Variants in NR3C2 observed in about 807,000 individuals in gnomAD.
NR3C2 encodes mineralocorticoid receptor.
A neutral mutation model predicts 86.4 loss-of-function variants in NR3C2; 15 were observed. The observed-to-expected ratio is 0.17, with a 90% CI of 0.12 to 0.27. The LOEUF is 0.27. NR3C2 is among the 10% of genes least tolerant of loss of function. The pLI is 1.00. For synonymous variants in NR3C2, 458 were observed against 450.5 expected, an observed-to-expected ratio of 1.02 and a Z score of -0.21; for missense variants, 960 against 1,195.6, an observed-to-expected ratio of 0.80 and a Z score of 2.91.
intron 2 of NR3C2, among the ~76,000 whole-genome samples, chr4:148,329,539 A>G (rs1744131439): frequency 6.6e-6 from 1 of 152,152 alleles, no homozygotes; most frequent in Non-Finnish European, 1.5e-5. Context: ...TCCACAGTAC[A>G]TATTTTTCAT....
intron 2 of NR3C2, among the ~76,000 whole-genome samples, chr4:148,289,762 C>G (rs192478970): frequency 6.6e-6 from 1 of 152,298 alleles, no homozygotes; most frequent in Non-Finnish European, 1.5e-5. Context: ...AGCTTCCTGA[C>G]TCTGTCTCCC....
chr4:148,280,574 C>A (rs960283577), intron 2 of NR3C2, among the ~76,000 whole-genome samples: 2 of 152,192 alleles, frequency 1.3e-5, no homozygotes, highest in African/African-American at 4.8e-5. Context: ...TCAGGGCTCA[C>A]AGCAGCCTCA....
At chr4:148,415,921 T>G (rs1748970375) in intron 2 of NR3C2, among the ~76,000 whole-genome samples, 1 of 152,174 alleles carries the variant, frequency 6.6e-6, no homozygotes, top group Non-Finnish European at 1.5e-5. Context: ...CAAACACCAC[T>G]GATTTCGAGG....
intron 8 of NR3C2, among the ~76,000 whole-genome samples, chr4:148,097,742 TTTTTTTTTG>T (rs1402396229): frequency 0.12 from 14,968 of 120,124 alleles, 1,442 homozygotes; most frequent in African/African-American, 0.32. Flanking sequence ...CTTTTTTGCG[TTTTTTTTTG>T]TTTTTTTTTT....
At chr4:148,314,210 A>G (rs954085194) in intron 2 of NR3C2, among the ~76,000 whole-genome samples, 1 of 152,204 alleles carries the variant, frequency 6.6e-6, no homozygotes, top group African/African-American at 2.4e-5. Context: ...ATGAGCAAGT[A>G]TGACAAGAGG....
intron 2 of NR3C2, among the ~76,000 whole-genome samples, chr4:148,333,413 T>C (rs1486412649): frequency 1.3e-5 from 2 of 152,184 alleles, no homozygotes; most frequent in South Asian, 2.1e-4. Context: ...GCTGGGCACA[T>C]TGCTGACTAC....
At chr4:148,249,601 G>A (rs1554001035) in intron 3 of NR3C2, among the ~76,000 whole-genome samples, 6 of 152,172 alleles carry the variant, frequency 3.9e-5, no homozygotes, top group Non-Finnish European at 8.8e-5. Flanking sequence ...GTGATTTAAT[G>A]AAGCTAAAGG....
chr4:148,168,889 T>A (rs563460035), intron 4 of NR3C2, among the ~76,000 whole-genome samples: 1 of 152,334 alleles, frequency 6.6e-6, no homozygotes, highest in South Asian at 2.1e-4. Context: ...GTAATGTGCC[T>A]ATGTTTAGTA....
chr4:148,286,830 TCATAA>T (rs1488467079), intron 2 of NR3C2, among the ~76,000 whole-genome samples: 3 of 152,204 alleles, frequency 2.0e-5, no homozygotes, highest in East Asian at 1.9e-4. Context: ...AAAAAAATTC[TCATAA>T]CATAATTTGT....
chr4:148,364,233 G>A (rs957318440), intron 2 of NR3C2, among the ~76,000 whole-genome samples: 3 of 152,176 alleles, frequency 2.0e-5, no homozygotes, highest in Admixed American at 1.3e-4. Context: ...TAAATAACTC[G>A]AGGAGCTTCG....
chr4:148,284,840 G>C (rs1275056380), intron 2 of NR3C2, among the ~76,000 whole-genome samples: 2 of 152,176 alleles, frequency 1.3e-5, no homozygotes, highest in East Asian at 3.9e-4. Context: ...CTGAGGGGCT[G>C]GGGTCTTTGC....
At chr4:148,330,260 T>C (rs72656816) in intron 2 of NR3C2, among the ~76,000 whole-genome samples, 1 of 152,184 alleles carries the variant, frequency 6.6e-6, no homozygotes, top group Non-Finnish European at 1.5e-5. Context: ...TCATTCTCAA[T>C]AGGCATCTAC....
intron 2 of NR3C2, among the ~76,000 whole-genome samples, chr4:148,284,035 A>G (rs1741389685): frequency 6.6e-6 from 1 of 152,168 alleles, no homozygotes; most frequent in Non-Finnish European, 1.5e-5. Context: ...GTCCCACGGG[A>G]GAGATAAGTC....
At chr4:148,242,723 ATGC>A (rs1475583236) in intron 3 of NR3C2, among the ~76,000 whole-genome samples, 5 of 152,214 alleles carry the variant, frequency 3.3e-5, no homozygotes, top group Non-Finnish European at 5.9e-5. Flanking sequence ...TGTTTAACCA[ATGC>A]AAATGTATCA....
At chr4:148,128,434 A>G (rs1732855385) in intron 6 of NR3C2, among the ~76,000 whole-genome samples, 1 of 152,242 alleles carries the variant, frequency 6.6e-6, no homozygotes, top group South Asian at 2.1e-4. Context: ...TGACAGAAGT[A>G]GATATTTGAC....
intron 2 of NR3C2, among the ~76,000 whole-genome samples, chr4:148,319,094 T>C (rs915745991): frequency 3.3e-5 from 5 of 151,854 alleles, no homozygotes; most frequent in African/African-American, 4.8e-5. Context: ...TTTCTACATA[T>C]GGCTAGCCAG....
At chr4:148,254,784 A>G (rs762826353) in intron 3 of NR3C2, among the ~76,000 whole-genome samples, 6 of 152,304 alleles carry the variant, frequency 3.9e-5, no homozygotes, top group East Asian at 1.9e-4. Context: ...TTGGTTTCCT[A>G]TATCTGACAC....
At chr4:148,162,758 G>A (rs138104193) in intron 4 of NR3C2, among the ~76,000 whole-genome samples, 59 of 152,278 alleles carry the variant, frequency 3.9e-4, no homozygotes, top group Middle Eastern at 3.4e-3. Context: ...AGGCAGAGAG[G>A]TGGCTCGTGC....
intron 3 of NR3C2, among the ~76,000 whole-genome samples, chr4:148,250,304 C>T (rs1194762375): frequency 1.3e-5 from 2 of 152,122 alleles, no homozygotes; most frequent in Non-Finnish European, 2.9e-5. Flanking sequence ...AGACTGACAT[C>T]TTTTTTTATT....
Sources: allele counts gnomAD v4.1 joint callset (sites outside exome capture counted in the v4.1 genomes callset), GRCh38; gene constraint gnomAD v4.1.1; transcripts MANE v1.5; gene names NCBI Gene and HGNC (gene_info 2026-07-23, HGNC 2026-07-21).